The following ZNF236 variants were observed in gnomAD, a reference collection of about 807,000 sequenced individuals.
ZNF236 encodes the protein regulated by glucose.
ZNF236 carries 50 observed loss-of-function variants against 191.2 expected under a neutral mutation model. The observed-to-expected ratio is 0.26, with a 90% CI of 0.21 to 0.33. The LOEUF (loss-of-function observed/expected upper bound fraction) is 0.33. Ranked by LOEUF, ZNF236 falls within the 10% of genes least tolerant of loss-of-function variation. ZNF236 has a pLI of 1.00. For synonymous variants in ZNF236, 907 were observed against 928.8 expected (o/e 0.98, Z 0.43); for missense variants, 1,754 against 2,374.5 (o/e 0.74, Z 5.43).
At chr18:76,912,999 T>G (rs1266248250) in intron 17 of ZNF236, among the ~76,000 whole-genome samples, 2 of 152,242 alleles carry the variant, frequency 1.3e-5, no homozygotes, top group African/African-American at 4.8e-5. Flanking sequence ...CTTCCAGCTT[T>G]TAGTTTAATT....
chr18:76,968,208 A>G lies in ZNF236; in HGVS notation c.5420-7A>G, dbSNP rs187113637. ...GGCTGCTTGTGTTTTCTTTGTCTGC[A>G]TAACAGGAGCTCTGCAGGAGTCTGC... On this transcript the variant is annotated splice_region_variant and splice_polypyrimidine_tract_variant and intron_variant, in intron 30 of 30. Transcript: ENST00000320610. 96 of 1,613,934 alleles carry G rather than the reference A, an allele frequency of 5.9e-5. No individual in the cohort carries two copies. The East Asian group carries it at 1.4e-3, about 24-fold the overall frequency.
chr18:76,896,709 C>G (rs1977428449), intron 10 of ZNF236, among the ~76,000 whole-genome samples: 1 of 151,634 alleles, frequency 6.6e-6, no homozygotes, highest in South Asian at 2.1e-4. Context: ...TGCACTCACA[C>G]AGGCACTGCC....
At chr18:76,866,605 A>T (rs1976414748) in intron 3 of ZNF236, among the ~76,000 whole-genome samples, 1 of 152,220 alleles carries the variant, frequency 6.6e-6, no homozygotes, top group Non-Finnish European at 1.5e-5. Context: ...GTGGAGACAG[A>T]TGAAAATGCC....
At chr18:76,886,177 A>T (rs2122666369) in intron 9 of ZNF236, 1 of 152,328 alleles carries the variant, frequency 6.6e-6, no homozygotes, top group African/African-American at 2.4e-5. Flanking sequence ...ACTGCTAACC[A>T]TTCTCAGTGG....
intron 9 of ZNF236, 37 bp from the exon 10 acceptor site, chr18:76,894,976 G>A (rs1188973615): frequency 8.1e-6 from 13 of 1,599,256 alleles, no homozygotes; most frequent in African/African-American, 1.3e-5. Flanking sequence ...TAGGCGGGGT[G>A]TCCAGGCCAA....
At chr18:76,903,936 A>T (rs1043495890) in intron 11 of ZNF236, among the ~76,000 whole-genome samples, 2 of 147,554 alleles carry the variant, frequency 1.4e-5, no homozygotes, top group African/African-American at 5.1e-5. Flanking sequence ...AGTGTGCAGT[A>T]TTCATACTGA....
rs1599435100 is a variant in ZNF236, at chr18:76,968,255, G to C, written c.5460G>C (p.Gly1820=). 6.2e-7 allele frequency: 1 copy of C among 1,612,738 alleles called. No homozygotes were observed. Residue 1820 remains glycine, a synonymous_variant, in exon 31 of 31, where the codon GGG becomes GGC. Coordinates refer to ENST00000320610, the MANE Select transcript of ZNF236 (RefSeq NM_001306089.2). ...CTGCAGGTCACCCGGAGCAGGACGGGGAGGAGCTGAGCCGGACCCTCCACC... is the reference window on the plus strand; with the variant it reads ...CTGCAGGTCACCCGGAGCAGGACGGCGAGGAGCTGAGCCGGACCCTCCACC... ...QESAGHPEQD[G]EELSRTLHLE...
rs139958952 is a variant in ZNF236, at chr18:76,830,869, G to A, written c.55+8207G>A. 6.4e-3 allele frequency among the ~76,000 whole-genome samples: 974 copies of A among 152,212 alleles called. 9 individuals carry two copies. Among genetic ancestry groups the A allele is most frequent in the African/African-American group, 0.022 (898 of 41,538 alleles). On this transcript the variant is annotated intron_variant, in intron 1 of 30. Coordinates refer to ENST00000320610, the MANE Select transcript of ZNF236 (RefSeq NM_001306089.2). Reference sequence around the variant, plus strand: ...GTTTGTCAGCCATTTGTTCTCTTTTGCTAAGCTCCTGTTGAAGACTTGGCC... The same window carrying A: ...GTTTGTCAGCCATTTGTTCTCTTTTACTAAGCTCCTGTTGAAGACTTGGCC...
chr18:76,933,191 G>A (rs918464790), intron 25 of ZNF236, among the ~76,000 whole-genome samples: 7 of 152,290 alleles, frequency 4.6e-5, no homozygotes, highest in Admixed American at 1.3e-4. Flanking sequence ...AGCCGAGGCC[G>A]GGCATGGTGG....
chr18:76,858,194 CT>C (rs554142859), intron 3 of ZNF236, among the ~76,000 whole-genome samples: 135 of 152,236 alleles, frequency 8.9e-4, no homozygotes, highest in African/African-American at 3.0e-3. Context: ...AAAAATCACC[CT>C]TATATCATTT....
At chr18:76,903,974 T>C (rs1977671366) in intron 11 of ZNF236, among the ~76,000 whole-genome samples, 1 of 148,846 alleles carries the variant, frequency 6.7e-6, no homozygotes, top group Non-Finnish European at 1.5e-5. Flanking sequence ...ATCTTGCTTA[T>C]CCTGAATTTT....
At chr18:76,915,953 A>G (rs1967351893) in intron 19 of ZNF236, 94 bp downstream of exon 19, 2 of 1,194,408 alleles carry the variant, frequency 1.7e-6, no homozygotes, top group Admixed American at 2.1e-5. Context: ...TGACGTGGCT[A>G]TATATAGATT....
chr18:76,915,372 G>A (rs984893481), intron 18 of ZNF236, among the ~76,000 whole-genome samples: 1 of 152,182 alleles, frequency 6.6e-6, no homozygotes, highest in Non-Finnish European at 1.5e-5. Context: ...TGACTTCACA[G>A]AGCCTGCTGA....
intron 30 of ZNF236, among the ~76,000 whole-genome samples, chr18:76,961,750 T>C (rs4890870): frequency 0.22 from 33,100 of 151,988 alleles, 4,533 homozygotes; most frequent in East Asian, 0.33. Context: ...ATTTTTTGAT[T>C]ATGGCCATTC....
At chr18:76,883,362 C>CTTTTTTTTTTTT in intron 9 of ZNF236, among the ~76,000 whole-genome samples, 1 of 93,084 alleles carries the variant, frequency 1.1e-5, no homozygotes, top group Non-Finnish European at 2.2e-5. Flanking sequence ...GGAGCCAGTG[C>CTTTTTTTTTTTT]TTTTTTTTTT....
intron 25 of ZNF236, among the ~76,000 whole-genome samples, chr18:76,933,993 A>G (rs927772827): frequency 1.3e-5 from 2 of 152,262 alleles, no homozygotes; most frequent in Non-Finnish European, 2.9e-5. Flanking sequence ...GAAATTAAAC[A>G]TGACTCTTCT....
At chr18:76,835,523 T>G (rs985885456) in intron 1 of ZNF236, among the ~76,000 whole-genome samples, 4 of 152,052 alleles carry the variant, frequency 2.6e-5, no homozygotes, top group African/African-American at 4.8e-5. Flanking sequence ...TAGTAACTCT[T>G]ATCATTATGA....
intron 11 of ZNF236, among the ~76,000 whole-genome samples, chr18:76,903,797 A>G (rs771946966): frequency 2.6e-5 from 4 of 151,940 alleles, no homozygotes; most frequent in Non-Finnish European, 4.4e-5. Flanking sequence ...TGTATATAAA[A>G]TGAAATATTT....
chr18:76,846,222 C>T (rs1975676316), intron 1 of ZNF236, among the ~76,000 whole-genome samples: 1 of 151,316 alleles, frequency 6.6e-6, no homozygotes, highest in African/African-American at 2.4e-5. Flanking sequence ...AAAGTGCTGG[C>T]ATTACAGACA....
Sources: allele counts gnomAD v4.1 joint callset (sites outside exome capture counted in the v4.1 genomes callset), GRCh38; gene constraint gnomAD v4.1.1; transcripts MANE v1.5; gene names NCBI Gene and HGNC (gene_info 2026-07-23, HGNC 2026-07-21).